SLC75A1: variants seen among roughly 807,000 people sequenced by gnomAD.
SLC75A1 encodes solute carrier family 75 member 1, also known as major facilitator superfamily domain containing 10.
chr4:2,931,873 A>G, the SLC75A1 span: 3 of 1,611,042 alleles, frequency 1.9e-6, no homozygotes, highest in African/African-American at 1.3e-5. Flanking sequence ...CGTGTACTCC[A>G]GGCCCGAGAA....
At chr4:2,931,317 G>T in the SLC75A1 span, 82 of 1,546,224 alleles carry the variant, frequency 5.3e-5, no homozygotes, top group Non-Finnish European at 7.1e-5. Context: ...CCCAGGGGAG[G>T]GTGCATCACC....
At chr4:2,932,676 A>G in the SLC75A1 span, 3 of 1,610,862 alleles carry the variant, frequency 1.9e-6, no homozygotes, top group Non-Finnish European at 2.5e-6. Flanking sequence ...CCCTTTGCTG[A>G]TGCCCCCAAT....
the SLC75A1 span, chr4:2,934,585 G>A: frequency 2.4e-5 from 2 of 84,436 alleles, no homozygotes; most frequent in Admixed American, 1.3e-4. Context: ...CACCCCGCGC[G>A]CCCCTGGTCC....
chr4:2,931,037 C>T, the SLC75A1 span: 1 of 1,610,400 alleles, frequency 6.2e-7, no homozygotes, highest in Admixed American at 1.7e-5. Context: ...CCCAGCCTGC[C>T]CCAGCACCAT....
chr4:2,931,219 G>A, the SLC75A1 span: 2 of 1,563,202 alleles, frequency 1.3e-6, no homozygotes, highest in Non-Finnish European at 1.7e-6. Flanking sequence ...CGAGGGAAGG[G>A]GGCTCACCAT....
At chr4:2,932,678 G>A in the SLC75A1 span, 2 of 1,610,664 alleles carry the variant, frequency 1.2e-6, no homozygotes, top group East Asian at 2.2e-5. Context: ...CTTTGCTGAT[G>A]CCCCCAATCA....
the SLC75A1 span, chr4:2,931,547 C>G: frequency 1.9e-6 from 3 of 1,609,386 alleles, no homozygotes; most frequent in Non-Finnish European, 2.5e-6. Context: ...TTGGAGGGAG[C>G]CCCCTACCCG....
At chr4:2,932,014 G>A in the SLC75A1 span, 3 of 1,607,716 alleles carry the variant, frequency 1.9e-6, no homozygotes, top group Non-Finnish European at 2.5e-6. Context: ...GGGGAGAGCA[G>A]GCTCCACGCT....
the SLC75A1 span, chr4:2,931,498 C>T: frequency 2.3e-5 from 37 of 1,588,614 alleles, no homozygotes; most frequent in East Asian, 3.0e-4. Flanking sequence ...CAGCACAGCC[C>T]GTGCCCTGCA....
At chr4:2,932,594 A>C in the SLC75A1 span, 2 of 1,613,158 alleles carry the variant, frequency 1.2e-6, no homozygotes, top group Non-Finnish European at 1.7e-6. Flanking sequence ...CAGCCTGTGC[A>C]CTTACCATGC....
the SLC75A1 span, chr4:2,931,840 C>A: frequency 6.2e-7 from 1 of 1,604,430 alleles, no homozygotes; most frequent in Non-Finnish European, 8.5e-7. Flanking sequence ...GAACTGGAAG[C>A]GCTGGTGTGT....
chr4:2,933,878 G>T, the SLC75A1 span: 1 of 1,581,926 alleles, frequency 6.3e-7, no homozygotes, highest in Non-Finnish European at 8.6e-7. Flanking sequence ...GGCTGCTGGT[G>T]GATGGGTGGG....
the SLC75A1 span, chr4:2,931,889 A>T: frequency 6.2e-7 from 1 of 1,611,510 alleles, no homozygotes; most frequent in African/African-American, 1.3e-5. Context: ...GAGAACAGGA[A>T]GAGGTAGAGG....
chr4:2,932,462 G>A, the SLC75A1 span: 21 of 1,613,626 alleles, frequency 1.3e-5, no homozygotes, highest in Admixed American at 1.7e-5. Context: ...GGGAGGCTCC[G>A]AGCATAGGGC....
chr4:2,931,324 C>T, the SLC75A1 span: 1 of 1,543,920 alleles, frequency 6.5e-7, no homozygotes, highest in African/African-American at 1.4e-5. Context: ...GAGGGTGCAT[C>T]ACCCAGCCCC....
the SLC75A1 span, chr4:2,930,871 C>T: frequency 6.2e-7 from 1 of 1,613,124 alleles, no homozygotes; most frequent in Non-Finnish European, 8.5e-7. Context: ...CCGGGTAACT[C>T]AGCTTCTGCA....
At chr4:2,932,954 T>C in the SLC75A1 span, 2 of 1,021,458 alleles carry the variant, frequency 2.0e-6, no homozygotes, top group Non-Finnish European at 2.8e-6. Flanking sequence ...CAGGAGCCAC[T>C]GGTCCCCCGA....
the SLC75A1 span, chr4:2,932,898 C>G: frequency 8.5e-7 from 1 of 1,182,122 alleles, no homozygotes; most frequent in Non-Finnish European, 1.2e-6. Context: ...GTTCTCAGTG[C>G]CTTCCTAGGG....
chr4:2,933,093 C>A, the SLC75A1 span: 1 of 1,612,598 alleles, frequency 6.2e-7, no homozygotes, highest in Non-Finnish European at 8.5e-7. Context: ...GGCACCCAGG[C>A]CCAGGAACAT....
Sources: gnomAD v4.1 joint callset for allele counts on GRCh38, gnomAD v4.1.1 for gene constraint, MANE v1.5 for transcripts, NCBI Gene and HGNC (gene_info 2026-07-23, HGNC 2026-07-21) for gene names.